ALK: variants seen among roughly 807,000 people sequenced by gnomAD.
ALK encodes the protein ALK tyrosine kinase receptor.
In ALK, 74 loss-of-function variants were observed where a neutral mutation model predicts 163.1. The ratio of observed to expected loss-of-function variants is 0.45; its 90% CI spans 0.38 to 0.55. The LOEUF (loss-of-function observed/expected upper bound fraction) is 0.55. Ranked by LOEUF, ALK falls within the 20% of genes least tolerant of loss-of-function variation. The probability of loss-of-function intolerance (pLI) is 0.00; values close to 1 mark genes in which losing one functional copy is unlikely to be tolerated. For synonymous variants in ALK, 960 were observed against 843.2 expected, an observed-to-expected ratio of 1.14 and a Z score of -2.40; for missense variants, 2,063 against 2,105.3, an observed-to-expected ratio of 0.98 and a Z score of 0.39.
intron 4 of ALK, among the ~76,000 whole-genome samples, chr2:29,471,078 A>G (rs1671336613): frequency 6.6e-6 from 1 of 152,182 alleles, no homozygotes; most frequent in South Asian, 2.1e-4. Context: ...GGAATACACA[A>G]TTAAGTAGGA....
intron 1 of ALK, among the ~76,000 whole-genome samples, chr2:29,888,048 C>A (rs1204372986): frequency 6.6e-6 from 1 of 152,100 alleles, no homozygotes; most frequent in Non-Finnish European, 1.5e-5. Flanking sequence ...GTCCAAAAAG[C>A]TAACTGTGAG....
intron 4 of ALK, among the ~76,000 whole-genome samples, chr2:29,497,736 A>G (rs904023893): frequency 3.3e-5 from 5 of 152,202 alleles, no homozygotes; most frequent in Non-Finnish European, 5.9e-5. Flanking sequence ...TGGGAACTCA[A>G]CAAATCATAT....
chr2:29,764,978 G>C (rs1680817433), intron 1 of ALK, among the ~76,000 whole-genome samples: 1 of 152,126 alleles, frequency 6.6e-6, no homozygotes, highest in Non-Finnish European at 1.5e-5. Context: ...GTGAGATCTG[G>C]TGGTTTAGAA....
intron 8 of ALK, among the ~76,000 whole-genome samples, chr2:29,305,200 TG>T (rs1436311934): frequency 2.6e-5 from 4 of 152,104 alleles, no homozygotes; most frequent in Admixed American, 1.3e-4. Flanking sequence ...ATCACCAAGG[TG>T]TAGAGGGGGC....
At chr2:29,865,098 A>T (rs1666397822) in intron 1 of ALK, among the ~76,000 whole-genome samples, 1 of 152,184 alleles carries the variant, frequency 6.6e-6, no homozygotes. Context: ...AGCAGAGCTT[A>T]TGGTTGGGGT....
At chr2:29,369,127 G>A (rs556627593) in intron 5 of ALK, among the ~76,000 whole-genome samples, 1 of 152,228 alleles carries the variant, frequency 6.6e-6, no homozygotes, top group South Asian at 2.1e-4. Flanking sequence ...GGAAAATGCT[G>A]GACCTTCTTA....
At chr2:29,422,919 T>TG (rs1295699272) in intron 4 of ALK, among the ~76,000 whole-genome samples, 1 of 151,960 alleles carries the variant, frequency 6.6e-6, no homozygotes, top group Non-Finnish European at 1.5e-5. Context: ...ATATGTTTTT[T>TG]TTTTTTTTTT....
chr2:29,750,486 G>A (rs1264850490), intron 1 of ALK, among the ~76,000 whole-genome samples: 1 of 152,006 alleles, frequency 6.6e-6, no homozygotes, highest in East Asian at 1.9e-4. Flanking sequence ...AACATAGTGA[G>A]ACCCCATCTC....
chr2:29,830,287 A>G (rs762182596), intron 1 of ALK, among the ~76,000 whole-genome samples: 1 of 152,202 alleles, frequency 6.6e-6, no homozygotes, highest in Non-Finnish European at 1.5e-5. Flanking sequence ...ATTATTCCCA[A>G]TCTTCAAAAA....
chr2:29,567,928 G>A (rs1170329956), intron 3 of ALK, among the ~76,000 whole-genome samples: 1 of 152,168 alleles, frequency 6.6e-6, no homozygotes, highest in East Asian at 1.9e-4. Context: ...TCTCTTGGAG[G>A]AATATTTTAC....
At chr2:29,316,353 T>C (rs777027811) in intron 8 of ALK, among the ~76,000 whole-genome samples, 4 of 152,122 alleles carry the variant, frequency 2.6e-5, no homozygotes, top group Non-Finnish European at 5.9e-5. Context: ...CTTCCTTTCA[T>C]TATGCCTGCT....
At chr2:29,257,804 T>C (rs1376603586) in intron 11 of ALK, among the ~76,000 whole-genome samples, 2 of 152,292 alleles carry the variant, frequency 1.3e-5, no homozygotes, top group South Asian at 4.1e-4. Context: ...TCCCAGTAAA[T>C]AAAAATCATG....
intron 23 of ALK, among the ~76,000 whole-genome samples, chr2:29,215,065 C>G (rs528652073): frequency 1.3e-4 from 20 of 152,336 alleles, no homozygotes; most frequent in African/African-American, 4.8e-4. Flanking sequence ...GGGGTCAAAT[C>G]AATCCCCTTT....
At chr2:29,260,508 T>A (rs1427410043) in intron 11 of ALK, among the ~76,000 whole-genome samples, 1 of 152,222 alleles carries the variant, frequency 6.6e-6, no homozygotes, top group Non-Finnish European at 1.5e-5. Flanking sequence ...TTCACAGAAC[T>A]CCCTCTACTC....
chr2:29,841,255 T>C (rs142604244), intron 1 of ALK, among the ~76,000 whole-genome samples: 1 of 152,290 alleles, frequency 6.6e-6, no homozygotes, highest in East Asian at 1.9e-4. Flanking sequence ...CAAGATAACA[T>C]AGTGAACAGA....
intron 1 of ALK, among the ~76,000 whole-genome samples, chr2:29,814,305 A>G (rs1301108125): frequency 6.6e-6 from 1 of 152,000 alleles, no homozygotes. Context: ...AGTTCCCTTC[A>G]TGGTGGTATA....
intron 5 of ALK, among the ~76,000 whole-genome samples, chr2:29,337,784 C>A (rs548715782): frequency 6.6e-6 from 1 of 152,176 alleles, no homozygotes; most frequent in African/African-American, 2.4e-5. Flanking sequence ...GAGCGCCTTT[C>A]GCCCCTAGTT....
At chr2:29,336,522 AT>A (rs1385147233) in intron 5 of ALK, among the ~76,000 whole-genome samples, 3 of 152,126 alleles carry the variant, frequency 2.0e-5, no homozygotes, top group Non-Finnish European at 4.4e-5. Flanking sequence ...ATTAGTTCAG[AT>A]TTGCACTGGA....
At chr2:29,756,771 C>T (rs141879184) in intron 1 of ALK, among the ~76,000 whole-genome samples, 1,600 of 152,308 alleles carry the variant, frequency 0.011, 17 homozygotes, top group South Asian at 0.051. Context: ...AAGTGATCCA[C>T]CCGCCTCAGC....
Sources: gnomAD v4.1 joint callset for allele counts (sites outside exome capture counted in the v4.1 genomes callset) on GRCh38, gnomAD v4.1.1 for gene constraint, MANE v1.5 for transcripts, NCBI Gene and HGNC (gene_info 2026-07-23, HGNC 2026-07-21) for gene names.